Variants in TASOR observed in about 807,000 individuals in gnomAD.
TASOR encodes protein TASOR.
Under a neutral mutation model 178.6 loss-of-function variants are expected in TASOR, and 53 were observed. That is an observed-to-expected ratio of 0.30 (90% confidence interval 0.24 to 0.37). The LOEUF (loss-of-function observed/expected upper bound fraction) is 0.37. TASOR is among the 10% of genes least tolerant of loss of function. TASOR has a pLI of 1.00. For synonymous variants in TASOR, 713 were observed against 696.2 expected (o/e 1.02, Z -0.38); for missense variants, 1,815 against 1,971.4 (o/e 0.92, Z 1.50).
At chr3:56,661,384 G>T (rs908120172) in intron 9 of TASOR, among the ~76,000 whole-genome samples, 3 of 152,012 alleles carry the variant, frequency 2.0e-5, no homozygotes, top group Non-Finnish European at 4.4e-5. Flanking sequence ...TCAAATTCCC[G>T]GTCTCAAGTG....
Position 56,649,004 on chromosome 3 carries a change from A to G in TASOR, c.1422T>C (p.Tyr474=), listed in dbSNP as rs746621717. Reference sequence around the variant, plus strand: ...ACCTACCATATGGAGGAACCATCTGATAAGGGGAGAGAAGAAAAAGGTATC... The same window carrying G: ...ACCTACCATATGGAGGAACCATCTGGTAAGGGGAGAGAAGAAAAAGGTATC... ...DRGYLFLLSP[Y]QMVPPYEYQT... is the part of the protein sequence containing the mutation. Residue 474 remains tyrosine, a synonymous_variant, in exon 12 of 24, where the codon TAT becomes TAC. Coordinates refer to ENST00000683822, the MANE Select transcript of TASOR (RefSeq NM_001365635.2). The G allele has an allele frequency of 9.3e-6, 15 of 1,608,742 alleles. No homozygotes were observed. Among genetic ancestry groups the G allele is most frequent in the Non-Finnish European group, 1.3e-5 (15 of 1,178,456 alleles).
At chr3:56,634,972 C>T (rs62251182) in intron 17 of TASOR, among the ~76,000 whole-genome samples, 3,553 of 152,234 alleles carry the variant, frequency 0.023, 50 homozygotes, top group Middle Eastern at 0.058. Context: ...CAATTTTACC[C>T]GCTAAAAAAT....
At chr3:56,673,754 G>GTTTGT in intron 1 of TASOR, 29 bp from the exon 2 acceptor site, 1 of 1,517,236 alleles carries the variant, frequency 6.6e-7, no homozygotes, top group Non-Finnish European at 8.9e-7. Context: ...CATTTAAAAT[G>GTTTGT]TTTAACATTA....
chr3:56,629,315 A>C (rs1409836616), intron 18 of TASOR, among the ~76,000 whole-genome samples: 1 of 152,058 alleles, frequency 6.6e-6, no homozygotes, highest in African/African-American at 2.4e-5. Context: ...ATATCCTATG[A>C]GAAACACTTT....
chr3:56,655,650 G>A (rs1010488892), intron 11 of TASOR, among the ~76,000 whole-genome samples: 5 of 152,074 alleles, frequency 3.3e-5, no homozygotes, highest in African/African-American at 1.2e-4. Flanking sequence ...AGCTGGGCAT[G>A]GTGGTATACA....
At chr3:56,673,000 C>T (rs927119030) in intron 2 of TASOR, among the ~76,000 whole-genome samples, 2 of 151,732 alleles carry the variant, frequency 1.3e-5, no homozygotes, top group Non-Finnish European at 2.9e-5. Context: ...TTCGTAGAGA[C>T]GGGTTTTGCC....
intron 1 of TASOR, among the ~76,000 whole-genome samples, chr3:56,681,087 T>TAAAAAAAAAAAAAAAAAAAAA: frequency 8.5e-6 from 1 of 117,882 alleles, no homozygotes; most frequent in Non-Finnish European, 1.9e-5. Flanking sequence ...TAACAAACAG[T>TAAAAAAAAAAAAAAAAAAAAA]AAAAAAAAAA....
rs2077338658 is a variant in TASOR, at chr3:56,650,871, C to CAA, written c.1369-1815_1369-1814insTT. On this transcript the variant is annotated intron_variant, in intron 11 of 23. Coordinates refer to ENST00000683822, the MANE Select transcript of TASOR (RefSeq NM_001365635.2). ...GTACCTGAAAATTTTGTTTCAAATA[C>CAA]TTTTATCCAAAGTATTTTAGATAAT... 2.0e-5 allele frequency among the ~76,000 whole-genome samples: 3 copies of CAA among 152,142 alleles called. No individual in the cohort carries two copies. The South Asian group carries it at 6.2e-4, about 32-fold the overall frequency.
chr3:56,661,879 C>G (rs2077603251), intron 9 of TASOR, among the ~76,000 whole-genome samples: 2 of 152,138 alleles, frequency 1.3e-5, no homozygotes, highest in South Asian at 4.1e-4. Flanking sequence ...AATCCCAACA[C>G]TTCGTGAGGC....
chr3:56,678,458 G>A (rs2031518680), intron 1 of TASOR, among the ~76,000 whole-genome samples: 1 of 151,828 alleles, frequency 6.6e-6, no homozygotes, highest in South Asian at 2.1e-4. Flanking sequence ...TGGGATTACA[G>A]ACATGATCCA....
intron 14 of TASOR, among the ~76,000 whole-genome samples, chr3:56,644,088 T>C (rs2077185696): frequency 6.6e-6 from 1 of 152,230 alleles, no homozygotes; most frequent in Admixed American, 6.5e-5. Flanking sequence ...TATAATGTGC[T>C]CAGTGACAGG....
intron 17 of TASOR, among the ~76,000 whole-genome samples, chr3:56,635,673 T>C (rs1043074432): frequency 1.3e-5 from 2 of 152,190 alleles, no homozygotes; most frequent in Admixed American, 6.5e-5. Context: ...ACATGGGGCC[T>C]CACTATGTTT....
intron 7 of TASOR, 87 bp downstream of exon 7, chr3:56,666,173 G>A (rs1303186451): frequency 4.3e-6 from 5 of 1,162,640 alleles, no homozygotes; most frequent in South Asian, 3.5e-5. Context: ...AAATGGGAAG[G>A]AAACAAAATG....
At chr3:56,670,551 A>C (rs1418455288) in intron 3 of TASOR, among the ~76,000 whole-genome samples, 2 of 152,132 alleles carry the variant, frequency 1.3e-5, no homozygotes, top group Non-Finnish European at 2.9e-5. Context: ...AGATACTCTT[A>C]ACTCCTGCCA....
chr3:56,674,320 G>C (rs763269838), intron 1 of TASOR, among the ~76,000 whole-genome samples: 10 of 149,446 alleles, frequency 6.7e-5, no homozygotes, highest in Non-Finnish European at 1.3e-4. Context: ...GGGCAACACA[G>C]TGAGACCCTG....
intron 14 of TASOR, 58 bp from the exon 15 acceptor site, chr3:56,641,810 A>C: frequency 1.3e-6 from 2 of 1,489,476 alleles, no homozygotes; most frequent in South Asian, 2.7e-5. Context: ...TAAAACTTTT[A>C]AAATCAAATA....
intron 11 of TASOR, among the ~76,000 whole-genome samples, chr3:56,654,561 T>C (rs1190989223): frequency 2.6e-5 from 4 of 152,100 alleles, no homozygotes; most frequent in Non-Finnish European, 5.9e-5. Context: ...AGGTATTTGA[T>C]CAAATATTTT....
At position 56,662,467 on chromosome 3, in the gene TASOR, T is replaced by C; in HGVS notation, c.1078A>G (p.Lys360Glu). The C allele has an allele frequency of 6.5e-7, 1 of 1,526,894 alleles. No homozygotes were observed. The highest frequency in any genetic ancestry group is 8.9e-7 in the Non-Finnish European group (1 of 1,126,754). 94.6% of individuals were successfully genotyped at this position (1,526,894 alleles called of 1,614,324 possible). A position where few individuals can be genotyped will look rare whatever the true frequency, so the allele number is the denominator to read the frequency against. ...NIDKYNYTLWKGQLLNKGKLL... is the reference protein window; with the variant it reads ...NIDKYNYTLWEGQLLNKGKLL... ...TTTCCTTTATTTAAAAGCTGTCCTT[T>C]CCACAAGGTATAGTTATATTTATCT... Residue 360 changes from lysine to glutamate, a missense_variant, in exon 9 of 24, where the codon AAA (lysine) becomes GAA (glutamate). Physicochemically the swap from Lys to Glu is moderately conservative, Grantham distance 56 (BLOSUM62 1). Around this residue, in one of 5 missense-constraint regions of TASOR, gnomAD observed 504 missense variants for 645.3 expected, o/e 0.78. Coordinates refer to ENST00000683822, the MANE Select transcript of TASOR (RefSeq NM_001365635.2).
intron 14 of TASOR, among the ~76,000 whole-genome samples, chr3:56,642,412 TA>T (rs1194858687): frequency 6.6e-6 from 1 of 152,216 alleles, no homozygotes. Context: ...CAATATATTT[TA>T]AAACTTGTAA....
Sources: allele counts gnomAD v4.1 joint callset (sites outside exome capture counted in the v4.1 genomes callset), GRCh38; gene constraint gnomAD v4.1.1; regional missense constraint gnomAD v4.1.1; transcripts MANE v1.5; gene names NCBI Gene and HGNC (gene_info 2026-07-23, HGNC 2026-07-21).